PARK7: variants seen among roughly 807,000 people sequenced by gnomAD.
The protein encoded by PARK7 is Parkinson disease protein 7.
Under a neutral mutation model 20.5 loss-of-function variants are expected in PARK7, and 14 were observed. The ratio of observed to expected loss-of-function variants is 0.68; its 90% CI spans 0.45 to 1.07. The LOEUF is 1.07. Ranked by LOEUF, PARK7 falls within the 50% of genes least tolerant of loss-of-function variation. The pLI, the probability that PARK7 is intolerant of heterozygous loss-of-function variation, is 0.00. For synonymous variants in PARK7, 98 were observed against 84.3 expected, an observed-to-expected ratio of 1.16 and a Z score of -0.89; for missense variants, 234 against 238.1, an observed-to-expected ratio of 0.98 and a Z score of 0.11.
intron 5 of PARK7, among the ~76,000 whole-genome samples, chr1:7,972,284 C>T (rs574282286): frequency 6.6e-6 from 1 of 152,142 alleles, no homozygotes; most frequent in South Asian, 2.1e-4. Context: ...GCAACATAGC[C>T]AGACCCCCAT....
rs1358127399 is a variant in PARK7, at chr1:7,985,301, GTC to G, written c.*252_*253del. The G allele has an allele frequency of 2.0e-6, 1 of 511,344 alleles. No homozygotes were observed. Among genetic ancestry groups the G allele is most frequent in the East Asian group, 3.7e-5 (1 of 26,942 alleles). 31.7% of individuals were successfully genotyped at this position (511,344 alleles called of 1,614,324 possible). A position where few individuals can be genotyped will look rare whatever the true frequency, so the allele number is the denominator to read the frequency against. ...CAAACTACTGATTGTTTCTTGTTTTGTCTCTCATTTCTTTTGTGAAATTAAAT... is the reference window on the plus strand; with the variant it reads ...CAAACTACTGATTGTTTCTTGTTTTGTCTCATTTCTTTTGTGAAATTAAAT... On this transcript the variant is annotated 3_prime_UTR_variant, in exon 7 of 7. Transcript: ENST00000338639.
At chr1:7,974,668 AAC>A (rs1640540255) in intron 5 of PARK7, among the ~76,000 whole-genome samples, 1 of 151,718 alleles carries the variant, frequency 6.6e-6, no homozygotes, top group South Asian at 2.1e-4. Flanking sequence ...AAAAATAGAA[AAC>A]ACACTAGCAG....
chr1:7,968,766 C>T (rs1375143163), intron 3 of PARK7, among the ~76,000 whole-genome samples: 1 of 152,194 alleles, frequency 6.6e-6, no homozygotes, highest in Non-Finnish European at 1.5e-5. Flanking sequence ...ATCTTCCTGC[C>T]TTGGCCTCCC....
In PARK7 at chr1:7,981,965, C is replaced by CTT. The variant is rs71567337; in HGVS notation, c.410-2902_410-2901dup. On this transcript the variant is annotated intron_variant, in intron 6 of 6. Coordinates refer to ENST00000338639, the MANE Select transcript of PARK7 (RefSeq NM_007262.5). ...GAGCCACTATGCCCAGCCCCCCCGC[C>CTT]TTTTTTTTTTTTTTTTTTTTTTTTT... 0.017 allele frequency among the ~76,000 whole-genome samples: 1,436 copies of CTT among 84,370 alleles called. 472 individuals carry two copies. The East Asian group carries it at 0.32, about 19-fold the overall frequency. The allele number at this position is 84,370 out of a possible 152,430, so 55.3% of individuals were successfully genotyped here.
chr1:7,984,733 G>T lies in PARK7; in HGVS notation c.410-161G>T. On this transcript the variant is annotated intron_variant, in intron 6 of 6. Transcript: ENST00000338639. This position sits in a 1 kb window ranked among gnomAD's most constrained non-coding sequence, Gnocchi z 4.3. Reference sequence around the variant, plus strand: ...TCTGCACAGTTTTAAAAATACCTTTGTAGGGGGCTTCTAAGAGCTTGGAGT... The same window carrying T: ...TCTGCACAGTTTTAAAAATACCTTTTTAGGGGGCTTCTAAGAGCTTGGAGT... 1 of 800,626 alleles carries T rather than the reference G, an allele frequency of 1.2e-6. No individual in the cohort carries two copies. The highest frequency in any genetic ancestry group is 2.1e-6 in the Non-Finnish European group (1 of 485,348). The allele number at this position is 800,626 out of a possible 1,614,324, so 49.6% of individuals were successfully genotyped here.
intron 4 of PARK7, among the ~76,000 whole-genome samples, chr1:7,969,702 T>G (rs528099293): frequency 6.5e-4 from 99 of 152,150 alleles, no homozygotes; most frequent in Middle Eastern, 3.4e-3. Flanking sequence ...TGCCTCAGCC[T>G]CTGAGTAGCT....
rs1640236123 is a variant in PARK7 at position 7,962,771 on chromosome 1, A to ATTT, written c.-15_-14insTTT. 6.3e-7 allele frequency: 1 copy of ATTT among 1,584,044 alleles called. No homozygotes were observed. The highest frequency in any genetic ancestry group is 8.6e-7 in the Non-Finnish European group (1 of 1,156,820). On this transcript the variant is annotated 5_prime_UTR_variant, in exon 2 of 7. Transcript: ENST00000338639. ...TTTTTTTTTTTTTTAAGGCTTGTAA[A>ATTT]CATATAACATAAAAATGGCTTCCAA...
At position 7,985,254 on chromosome 1, in the gene PARK7, G is replaced by A; in HGVS notation, c.*200G>A. On this transcript the variant is annotated 3_prime_UTR_variant, in exon 7 of 7. Transcript: ENST00000338639. ...GTCTATACATTTCTAAGCCTTGTTT[G>A]CAGAATAAACAGGGCATTTAGCAAA... 1 of 690,884 alleles carries A rather than the reference G, an allele frequency of 1.4e-6. No individual in the cohort carries two copies. The highest frequency in any genetic ancestry group is 2.4e-6 in the Non-Finnish European group (1 of 414,004). The allele number at this position is 690,884 out of a possible 1,614,324, so 42.8% of individuals were successfully genotyped here. A position where few individuals can be genotyped will look rare whatever the true frequency, so the allele number is the denominator to read the frequency against.
chr1:7,965,714 T>G (rs1249226453), intron 3 of PARK7, among the ~76,000 whole-genome samples: 1 of 152,192 alleles, frequency 6.6e-6, no homozygotes, highest in Admixed American at 6.5e-5. Context: ...TGCATTGTTT[T>G]CCCATCAGTA....
Position 7,977,823 on chromosome 1 carries a change from G to C in PARK7, c.409+85G>C, listed in dbSNP as rs1037920065. 2.6e-5 allele frequency: 31 copies of C among 1,190,728 alleles called. No individual in the cohort carries two copies. In the African/African-American group the frequency reaches 4.3e-4, roughly 17 times the overall value. The allele number at this position is 1,190,728 out of a possible 1,614,324, so 73.8% of individuals were successfully genotyped here. ...CGCCCAGGCTGGAGTGCAGTGGCGT[G>C]ATCTTGGCTTACTGCAATCCCTGCC... is the stretch of plus-strand genomic sequence containing the variant. On this transcript the variant is annotated intron_variant, in intron 6 of 6. Coordinates refer to ENST00000338639, the MANE Select transcript of PARK7 (RefSeq NM_007262.5).
chr1:7,964,364 C>A (rs1640281626), intron 2 of PARK7, among the ~76,000 whole-genome samples: 1 of 152,140 alleles, frequency 6.6e-6, no homozygotes, highest in African/African-American at 2.4e-5. Flanking sequence ...GTACAAAAGC[C>A]AGAACTCAGA....
chr1:7,983,493 C>T lies in PARK7; in HGVS notation c.410-1401C>T, dbSNP rs192830563. ...CTGGATCACTGTCACCAGCCTAGTG[C>T]AGGCACCACCAGCTTCTACCCAGAG... On this transcript the variant is annotated intron_variant, in intron 6 of 6. Transcript: ENST00000338639. Among the ~76,000 whole-genome samples, 6 of 152,376 alleles carry T rather than the reference C, an allele frequency of 3.9e-5. No individual in the cohort carries two copies. The East Asian group carries it at 1.2e-3, about 29-fold the overall frequency.
At chr1:7,968,056 TC>T (rs754238561) in intron 3 of PARK7, among the ~76,000 whole-genome samples, 5 of 152,134 alleles carry the variant, frequency 3.3e-5, no homozygotes, top group Non-Finnish European at 5.9e-5. Flanking sequence ...ACGCCTGTAA[TC>T]CCAGCACTTT....
intron 5 of PARK7, chr1:7,971,226 C>T: frequency 2.0e-6 from 1 of 508,124 alleles, no homozygotes; most frequent in Admixed American, 3.2e-5. Context: ...GAAAATAAGG[C>T]CCTCTGGAAT....
intron 4 of PARK7, among the ~76,000 whole-genome samples, chr1:7,969,857 C>T (rs1246339800): frequency 2.0e-5 from 3 of 152,080 alleles, no homozygotes; most frequent in South Asian, 4.2e-4. Context: ...GAATTATAGG[C>T]GTGAGCCACC....
Position 7,962,774 on chromosome 1 carries a change from TATAAC to T in PARK7, c.-7_-3del. On this transcript the variant is annotated 5_prime_UTR_variant, in exon 2 of 7. Coordinates refer to ENST00000338639, the MANE Select transcript of PARK7 (RefSeq NM_007262.5). ...TTTTTTTTTTTAAGGCTTGTAAACA[TATAAC>T]ATAAAAATGGCTTCCAAAAGAGCTC... 1.4e-6 allele frequency: 2 copies of T among 1,396,276 alleles called. No individual in the cohort carries two copies. Among genetic ancestry groups the T allele is most frequent in the Non-Finnish European group, 2.0e-6 (2 of 988,740 alleles). The allele number at this position is 1,396,276 out of a possible 1,614,324, so 86.5% of individuals were successfully genotyped here. A position where few individuals can be genotyped will look rare whatever the true frequency, so the allele number is the denominator to read the frequency against.
intron 4 of PARK7, among the ~76,000 whole-genome samples, chr1:7,970,490 A>G (rs932077238): frequency 3.9e-5 from 6 of 152,184 alleles, no homozygotes; most frequent in Non-Finnish European, 8.8e-5. Flanking sequence ...ACCTGCAGGC[A>G]GAGTTGGGGC....
At chr1:7,964,048 C>T (rs1425373599) in intron 2 of PARK7, among the ~76,000 whole-genome samples, 4 of 152,046 alleles carry the variant, frequency 2.6e-5, no homozygotes, top group Non-Finnish European at 4.4e-5. Context: ...CTCTTGACCT[C>T]GTGATCCACC....
rs979611178 is a variant in PARK7, at chr1:7,965,218, G to A, written c.91-106G>A. On this transcript the variant is annotated intron_variant, in intron 2 of 6. Coordinates refer to ENST00000338639, the MANE Select transcript of PARK7 (RefSeq NM_007262.5). The stretch of plus-strand genomic sequence containing the variant: ...GATTGTGTCACTGCCCTCTAGCCCA[G>A]GTGACAGGGTGAGACCCCATCTCTC... 41 of 1,006,692 alleles carry A rather than the reference G, an allele frequency of 4.1e-5. No homozygotes were observed. The African/African-American group carries it at 5.2e-4, about 13-fold the overall frequency. 62.4% of individuals were successfully genotyped at this position (1,006,692 alleles called of 1,614,324 possible). A position where few individuals can be genotyped will look rare whatever the true frequency, so the allele number is the denominator to read the frequency against.
Sources: gnomAD v4.1 joint callset for allele counts (sites outside exome capture counted in the v4.1 genomes callset) on GRCh38, gnomAD v4.1.1 for gene constraint, Gnocchi (gnomAD v3.1) non-coding constraint, MANE v1.5 for transcripts, NCBI Gene and HGNC (gene_info 2026-07-23, HGNC 2026-07-21) for gene names.